CCDC14: variants seen among roughly 807,000 people sequenced by gnomAD.
The protein encoded by CCDC14 is coiled-coil domain containing 14.
A neutral mutation model predicts 81.4 loss-of-function variants in CCDC14; 71 were observed. The ratio of observed to expected loss-of-function variants is 0.87; its 90% CI spans 0.72 to 1.06. CCDC14 has a LOEUF of 1.06. Among genes scored for constraint, CCDC14 ranks in the 50% least tolerant of loss-of-function variants. CCDC14 has a pLI of 0.00. For synonymous variants in CCDC14, 332 were observed against 364.8 expected (o/e 0.91, Z 1.03); for missense variants, 1,046 against 1,047.3 (o/e 1.00, Z 0.02).
Position 123,914,242 on chromosome 3 carries a change from T to C in CCDC14, c.*537A>G, listed in dbSNP as rs1164774402. 2 of 984,250 alleles carry C rather than the reference T, an allele frequency of 2.0e-6. No individual in the cohort carries two copies. Among genetic ancestry groups the C allele is most frequent in the African/African-American group, 1.7e-5 (1 of 57,214 alleles). The allele number at this position is 984,250 out of a possible 1,614,324, so 61.0% of individuals were successfully genotyped here. A position where few individuals can be genotyped will look rare whatever the true frequency, so the allele number is the denominator to read the frequency against. On this transcript the variant is annotated 3_prime_UTR_variant, in exon 13 of 13. Coordinates refer to ENST00000409697, the MANE Select transcript of CCDC14 (RefSeq NM_001366335.1). Reference sequence around the variant, plus strand: ...TCTATATATTTTTTAGACCAATCAATGTTTTTTAAGAGGTGTAGATACTGG... The same window carrying C: ...TCTATATATTTTTTAGACCAATCAACGTTTTTTAAGAGGTGTAGATACTGG...
chr3:123,928,419 T>C (rs1214121192), intron 12 of CCDC14, among the ~76,000 whole-genome samples: 1 of 148,974 alleles, frequency 6.7e-6, no homozygotes, highest in African/African-American at 2.5e-5. Flanking sequence ...GGCAGGAGAA[T>C]GGCGTGAACA....
At chr3:123,894,470 T>C (rs2034031485), downstream of CCDC14, among the ~76,000 whole-genome samples, 1 of 152,352 alleles carries the variant, frequency 6.6e-6, no homozygotes, top group South Asian at 2.1e-4. Context: ...GGTTTTAGAA[T>C]GGGTTCCTTT....
chr3:123,959,041 T>C (rs1051814525), intron 1 of CCDC14: 1 of 152,200 alleles, frequency 6.6e-6, no homozygotes, highest in Non-Finnish European at 1.5e-5. Context: ...TATCTGTTCA[T>C]CTGCAGATAG....
At chr3:123,901,587 C>T (rs2034180849) in intron 5 of CCDC14, among the ~76,000 whole-genome samples, 1 of 151,844 alleles carries the variant, frequency 6.6e-6, no homozygotes, top group South Asian at 2.1e-4. Flanking sequence ...AGAAAAATAT[C>T]TAGGAGATTA....
At chr3:123,934,508 G>C (rs1456349890) in intron 9 of CCDC14, among the ~76,000 whole-genome samples, 1 of 151,956 alleles carries the variant, frequency 6.6e-6, no homozygotes, top group East Asian at 1.9e-4. Context: ...ACATCTATCT[G>C]CCTGATGTTT....
chr3:123,899,940 C>T (rs1046518882), intron 5 of CCDC14, among the ~76,000 whole-genome samples: 3 of 152,186 alleles, frequency 2.0e-5, no homozygotes, highest in African/African-American at 4.8e-5. Context: ...ATCTGTGAAA[C>T]TGACCGAACC....
intron 9 of CCDC14, among the ~76,000 whole-genome samples, chr3:123,943,259 C>A (rs1276280714): frequency 6.6e-6 from 1 of 151,884 alleles, no homozygotes; most frequent in East Asian, 1.9e-4. Flanking sequence ...AAATATTTGG[C>A]CTTTTGTCCC....
intron 9 of CCDC14, among the ~76,000 whole-genome samples, chr3:123,936,777 T>A (rs974026107): frequency 2.0e-5 from 3 of 151,996 alleles, no homozygotes; most frequent in Non-Finnish European, 4.4e-5. Flanking sequence ...ATAACATGTA[T>A]AACAAACCTC....
At chr3:123,956,844 T>C in intron 1 of CCDC14, 49 bp from the exon 2 acceptor site, 1 of 1,217,848 alleles carries the variant, frequency 8.2e-7, no homozygotes, top group East Asian at 2.7e-5. Context: ...TTCTATTATA[T>C]TTTCAATATG....
chr3:123,919,700 C>G (rs2034928821), intron 12 of CCDC14, among the ~76,000 whole-genome samples: 2 of 152,204 alleles, frequency 1.3e-5, no homozygotes, highest in African/African-American at 2.4e-5. Flanking sequence ...GTCTGCCTGC[C>G]TATAGTCACT....
chr3:123,947,333 A>C lies in CCDC14; in HGVS notation c.685-14T>G, dbSNP rs1272386236. ...AGTTTGAACTTCCTAAAGAAAGATA[A>C]AAACAAGTCTTCAGAAGTATGAGCA... On this transcript the variant is annotated splice_polypyrimidine_tract_variant and intron_variant, in intron 7 of 12. Coordinates refer to ENST00000409697, the MANE Select transcript of CCDC14 (RefSeq NM_001366335.1). 6.3e-7 allele frequency: 1 copy of C among 1,589,186 alleles called. No individual in the cohort carries two copies. The highest frequency in any genetic ancestry group is 1.1e-5 in the South Asian group (1 of 87,496).
At chr3:123,936,737 G>C (rs746977983) in intron 9 of CCDC14, among the ~76,000 whole-genome samples, 1 of 152,004 alleles carries the variant, frequency 6.6e-6, no homozygotes, top group Non-Finnish European at 1.5e-5. Flanking sequence ...GATAACTATT[G>C]TGTACTGGGC....
rs564307771 is a variant in CCDC14, at chr3:123,914,082, C to T, written c.*697G>A. The T allele has an allele frequency of 3.0e-6, 3 of 985,404 alleles. No homozygotes were observed. The African/African-American group carries it at 5.2e-5, about 17-fold the overall frequency. The allele number at this position is 985,404 out of a possible 1,614,324, so 61.0% of individuals were successfully genotyped here. Reference sequence around the variant, plus strand: ...TTATTTAAAAAAAACCCACAAATTTCCCCAACTATAGCTTATCTGTTAGCA... The same window carrying T: ...TTATTTAAAAAAAACCCACAAATTTTCCCAACTATAGCTTATCTGTTAGCA... On this transcript the variant is annotated 3_prime_UTR_variant, in exon 13 of 13. Transcript: ENST00000409697.
chr3:123,937,580 C>T (rs1167613203), intron 9 of CCDC14, among the ~76,000 whole-genome samples: 1 of 151,846 alleles, frequency 6.6e-6, no homozygotes, highest in Non-Finnish European at 1.5e-5. Flanking sequence ...TTATCGGGTA[C>T]ATGTTTTACA....
At chr3:123,956,258 T>G (rs2037321296) in intron 3 of CCDC14, 97 bp downstream of exon 3, 1 of 1,233,476 alleles carries the variant, frequency 8.1e-7, no homozygotes, top group African/African-American at 1.5e-5. Flanking sequence ...ACTTCATACT[T>G]CCTTAGAGCA....
chr3:123,885,217 C>A, the CCDC14 span, among the ~76,000 whole-genome samples: 1 of 151,758 alleles, frequency 6.6e-6, no homozygotes, highest in Non-Finnish European at 1.5e-5. Context: ...AACATAAATA[C>A]AGAAAACCAC....
In CCDC14 at chr3:123,927,987, C is replaced by T. The variant is rs2035466971; in HGVS notation, c.1778+3115G>A. 2.0e-5 allele frequency among the ~76,000 whole-genome samples: 3 copies of T among 152,134 alleles called. No homozygotes were observed. The South Asian group carries it at 6.2e-4, about 31-fold the overall frequency. ...TTAAAACAGAAAGCAAAGCTGAAGA[C>T]AGAATCCAAAATCCTGGCTCTGGTC... On this transcript the variant is annotated intron_variant, in intron 12 of 12. Coordinates refer to ENST00000409697, the MANE Select transcript of CCDC14 (RefSeq NM_001366335.1).
the CCDC14 span, among the ~76,000 whole-genome samples, chr3:123,887,480 C>CAAAAAA: frequency 1.3e-3 from 185 of 145,152 alleles, no homozygotes; most frequent in Middle Eastern, 7.1e-3. Context: ...ACAACAACAA[C>CAAAAAA]AAAAAAAAAA....
At chr3:123,928,333 T>TTA (rs1553714132) in intron 12 of CCDC14, among the ~76,000 whole-genome samples, 1 of 76,374 alleles carries the variant, frequency 1.3e-5, no homozygotes, top group African/African-American at 6.0e-5. Context: ...CAGTCTCTAC[T>TTA]AAAAAAAAAA....
Sources: allele counts gnomAD v4.1 joint callset (sites outside exome capture counted in the v4.1 genomes callset), GRCh38; gene constraint gnomAD v4.1.1; transcripts MANE v1.5; gene names NCBI Gene and HGNC (gene_info 2026-07-23, HGNC 2026-07-21).